KIZ: variants seen among roughly 807,000 people sequenced by gnomAD.
The protein encoded by KIZ is centrosomal protein kizuna.
Under a neutral mutation model 79.6 loss-of-function variants are expected in KIZ, and 68 were observed. That is an observed-to-expected ratio of 0.85 (90% CI 0.70 to 1.05). The LOEUF (loss-of-function observed/expected upper bound fraction) is 1.05. KIZ is among the 50% of genes least tolerant of loss of function. The pLI is 0.00. For missense variants in KIZ, 797 were observed against 800.4 expected (o/e 1.00, Z 0.05); for synonymous variants, 280 against 281.8 (o/e 0.99, Z 0.06).
intron 6 of KIZ, among the ~76,000 whole-genome samples, chr20:21,170,819 C>T (rs1401086239): frequency 1.3e-5 from 2 of 152,212 alleles, no homozygotes; most frequent in African/African-American, 4.8e-5. Context: ...TCTCTGTCTC[C>T]ATGAGTTCAA....
intron 3 of KIZ, among the ~76,000 whole-genome samples, chr20:21,141,850 G>T (rs1272780844): frequency 7.2e-6 from 1 of 138,862 alleles, no homozygotes; most frequent in South Asian, 2.3e-4. Flanking sequence ...CTCTCTCTCT[G>T]TGTTTGTCTC....
intron 11 of KIZ, among the ~76,000 whole-genome samples, chr20:21,243,089 G>T (rs2037274138): frequency 6.6e-6 from 1 of 152,200 alleles, no homozygotes; most frequent in East Asian, 1.9e-4. Context: ...ATGGGTTCTT[G>T]CAGGCTCACC....
chr20:21,144,419 A>G (rs992827574), intron 3 of KIZ, among the ~76,000 whole-genome samples: 1 of 152,158 alleles, frequency 6.6e-6, no homozygotes, highest in Non-Finnish European at 1.5e-5. Context: ...AAACATCTCT[A>G]AGTTCAGAGG....
In KIZ at chr20:21,146,747, A is replaced by G. The variant is rs533341848; in HGVS notation, c.405+1093A>G. Among the ~76,000 whole-genome samples, 3 of 152,284 alleles carry G rather than the reference A, an allele frequency of 2.0e-5. No homozygotes were observed. The South Asian group carries it at 6.2e-4, about 32-fold the overall frequency. The stretch of plus-strand genomic sequence containing the variant: ...GTTTTTATAGTAGGAGGAAGGTTTT[A>G]GTTTTTCTTTCTTCCGTGCATTAGC... On this transcript the variant is annotated intron_variant, in intron 4 of 12. Transcript: ENST00000619189.
intron 6 of KIZ, among the ~76,000 whole-genome samples, chr20:21,188,902 G>A (rs910355412): frequency 6.6e-6 from 1 of 151,850 alleles, no homozygotes; most frequent in Non-Finnish European, 1.5e-5. Flanking sequence ...TAGAGACGGG[G>A]TTTCACCGTG....
At chr20:21,240,227 C>T (rs913131868) in intron 11 of KIZ, among the ~76,000 whole-genome samples, 2 of 152,104 alleles carry the variant, frequency 1.3e-5, no homozygotes, top group Non-Finnish European at 2.9e-5. Context: ...AAGGTTCAAG[C>T]GATTCTTCTG....
At chr20:21,207,560 T>A (rs2035883037) in intron 7 of KIZ, among the ~76,000 whole-genome samples, 1 of 146,800 alleles carries the variant, frequency 6.8e-6, no homozygotes, top group South Asian at 2.2e-4. Context: ...CTCCTCAAAC[T>A]TCCTTCCCTC....
At chr20:21,169,295 A>G (rs1396945924) in intron 6 of KIZ, among the ~76,000 whole-genome samples, 2 of 152,094 alleles carry the variant, frequency 1.3e-5, no homozygotes, top group Non-Finnish European at 2.9e-5. Flanking sequence ...TCTCAAAAGA[A>G]GACATTTATG....
At chr20:21,230,793 A>C (rs1264964413) in intron 10 of KIZ, among the ~76,000 whole-genome samples, 1 of 152,216 alleles carries the variant, frequency 6.6e-6, no homozygotes, top group Non-Finnish European at 1.5e-5. Flanking sequence ...GGTTGTCGTC[A>C]CTTGCAAACT....
rs189933682 is a variant in KIZ, at chr20:21,224,602, G to C, written c.1679-4409G>C. On this transcript the variant is annotated intron_variant, in intron 9 of 12. Transcript: ENST00000619189. ...CTGTTGGTTCAAGGTCGGTTTTTTAGCTGTAGTGATAGTATTGTTTGCATC... is the reference window on the plus strand; with the variant it reads ...CTGTTGGTTCAAGGTCGGTTTTTTACCTGTAGTGATAGTATTGTTTGCATC... Among the ~76,000 whole-genome samples the C allele has an allele frequency of 3.7e-4, 57 of 152,282 alleles. 1 individual carries two copies. The highest frequency in any genetic ancestry group is 3.6e-3 in the Admixed American group (55 of 15,292).
chr20:21,210,784 A>G (rs1311906607), intron 7 of KIZ, among the ~76,000 whole-genome samples: 3 of 151,822 alleles, frequency 2.0e-5, no homozygotes, highest in Non-Finnish European at 4.4e-5. Flanking sequence ...TAGGGGCAGC[A>G]ATTTGAGAGA....
Position 21,162,999 on chromosome 20 carries a change from C to CT in KIZ, c.1192_1193insT (p.Pro398LeufsTer20). 6.2e-7 allele frequency: 1 copy of CT among 1,613,840 alleles called. No individual in the cohort carries two copies. On this transcript the variant is annotated frameshift_variant, in exon 6 of 13. Coordinates refer to ENST00000619189, the MANE Select transcript of KIZ (RefSeq NM_018474.6). LOFTEE classifies it high-confidence loss of function. ...AGAGAGCCCAGAACCACAGCCAAAT[C>CT]CAGGTGGCAAGATGGAGGGAGAAGA...
chr20:21,215,690 G>A, intron 9 of KIZ, 42 bp downstream of exon 9: 1 of 1,361,246 alleles, frequency 7.3e-7, no homozygotes, highest in Admixed American at 1.8e-5. Context: ...ACAAGATTTA[G>A]CATTATTATA....
intron 7 of KIZ, among the ~76,000 whole-genome samples, chr20:21,207,809 C>G (rs1353795644): frequency 6.6e-6 from 1 of 152,066 alleles, no homozygotes; most frequent in Non-Finnish European, 1.5e-5. Context: ...CTCCTGGGTT[C>G]AAGCAATTCT....
chr20:21,238,334 T>A (rs1040394510), intron 11 of KIZ, among the ~76,000 whole-genome samples: 1 of 95,662 alleles, frequency 1.0e-5, no homozygotes, highest in African/African-American at 3.0e-5. Flanking sequence ...CATAAGGGTG[T>A]GAGAGAGAGA....
At chr20:21,141,790 C>T (rs1352054928) in intron 3 of KIZ, among the ~76,000 whole-genome samples, 1 of 149,992 alleles carries the variant, frequency 6.7e-6, no homozygotes, top group African/African-American at 2.5e-5. Flanking sequence ...ACCCTTATTA[C>T]TCCTCCCAAC....
At chr20:21,216,123 C>G (rs563153860) in intron 9 of KIZ, among the ~76,000 whole-genome samples, 1 of 152,170 alleles carries the variant, frequency 6.6e-6, no homozygotes, top group East Asian at 1.9e-4. Context: ...TTGTACCAAT[C>G]GGGCTTCATC....
intron 8 of KIZ, 106 bp from the exon 9 acceptor site, chr20:21,215,477 A>G: frequency 1.8e-6 from 1 of 563,288 alleles, no homozygotes; most frequent in Non-Finnish European, 3.1e-6. Context: ...CAAGAAATAC[A>G]TTAACCAAAA....
At chr20:21,234,018 G>A (rs2036917064) in intron 11 of KIZ, among the ~76,000 whole-genome samples, 1 of 152,112 alleles carries the variant, frequency 6.6e-6, no homozygotes, top group Non-Finnish European at 1.5e-5. Flanking sequence ...CTAAAAGAAA[G>A]TTTAAAAGAC....
Sources: gnomAD v4.1 joint callset for allele counts (sites outside exome capture counted in the v4.1 genomes callset) on GRCh38, gnomAD v4.1.1 for gene constraint, MANE v1.5 for transcripts, NCBI Gene and HGNC (gene_info 2026-07-23, HGNC 2026-07-21) for gene names.